Variants in PARD3B observed in about 807,000 individuals in gnomAD.
PARD3B encodes the protein par-3 family cell polarity regulator beta, also known as partitioning defective 3 homolog B.
A neutral mutation model predicts 130.2 loss-of-function variants in PARD3B; 103 were observed. The observed-to-expected ratio is 0.79, with a 90% CI of 0.67 to 0.93. PARD3B has a LOEUF of 0.93. Ranked by LOEUF, PARD3B falls within the 40% of genes least tolerant of loss-of-function variation. The probability of loss-of-function intolerance (pLI) is 0.00; values close to 1 mark genes in which losing one functional copy is unlikely to be tolerated. For missense variants in PARD3B, 1,609 were observed against 1,499.2 expected, an observed-to-expected ratio of 1.07 and a Z score of -1.21; for synonymous variants, 583 against 553.2, an observed-to-expected ratio of 1.05 and a Z score of -0.76.
chr2:204,583,584 C>A (rs1242476827), intron 1 of PARD3B, among the ~76,000 whole-genome samples: 7 of 129,488 alleles, frequency 5.4e-5, no homozygotes, highest in Non-Finnish European at 1.1e-4. Context: ...ATGTAACTAA[C>A]CTGCACAATG....
chr2:205,257,417 C>T (rs540338670), intron 16 of PARD3B, among the ~76,000 whole-genome samples: 6 of 151,546 alleles, frequency 4.0e-5, no homozygotes, highest in Non-Finnish European at 7.4e-5. Flanking sequence ...AATATCATGG[C>T]ATGCCCTCAG....
chr2:205,104,533 TAAGA>T lies in PARD3B; in HGVS notation c.593+21_593+24del. The stretch of plus-strand genomic sequence containing the variant: ...CATTGAGGTATTCTCTTTATACAGA[TAAGA>T]ATATCTGATTTATTTCAATTTGATG... On this transcript the variant is annotated intron_variant, in intron 5 of 22. Transcript: ENST00000406610. The T allele has an allele frequency of 1.5e-6, 2 of 1,376,682 alleles. No homozygotes were observed. The highest frequency in any genetic ancestry group is 2.1e-6 in the Non-Finnish European group (2 of 969,790). The allele number at this position is 1,376,682 out of a possible 1,614,324, so 85.3% of individuals were successfully genotyped here. A position where few individuals can be genotyped will look rare whatever the true frequency, so the allele number is the denominator to read the frequency against.
chr2:205,284,577 C>A (rs1456426956), intron 16 of PARD3B, among the ~76,000 whole-genome samples: 1 of 152,122 alleles, frequency 6.6e-6, no homozygotes, highest in Non-Finnish European at 1.5e-5. Flanking sequence ...AAGGCTCTGA[C>A]CCATTAATGG....
intron 11 of PARD3B, among the ~76,000 whole-genome samples, chr2:205,163,701 C>G (rs1476749141): frequency 6.6e-6 from 1 of 152,136 alleles, no homozygotes; most frequent in African/African-American, 2.4e-5. Context: ...TTAACAGCAT[C>G]CAAACTACTT....
chr2:205,085,887 G>A (rs1331693448), intron 4 of PARD3B, among the ~76,000 whole-genome samples: 2 of 152,056 alleles, frequency 1.3e-5, no homozygotes, highest in African/African-American at 4.8e-5. Context: ...TTGCACTGGT[G>A]CAAATTATTA....
intron 2 of PARD3B, among the ~76,000 whole-genome samples, chr2:204,756,616 C>G (rs2125399522): frequency 6.6e-6 from 1 of 152,160 alleles, no homozygotes; most frequent in African/African-American, 2.4e-5. Context: ...CTCCATAATT[C>G]CCAGGTCTAC....
chr2:205,380,124 T>TA (rs1243168285), intron 18 of PARD3B, among the ~76,000 whole-genome samples: 21 of 67,574 alleles, frequency 3.1e-4, no homozygotes, highest in East Asian at 1.5e-3. Context: ...ACATAATATA[T>TA]TATATATATT....
chr2:204,773,057 T>C (rs2041456553), intron 2 of PARD3B, among the ~76,000 whole-genome samples: 1 of 152,086 alleles, frequency 6.6e-6, no homozygotes, highest in African/African-American at 2.4e-5. Context: ...GAATTTTGTG[T>C]AATTGATATG....
chr2:205,054,843 A>T (rs1699535197), intron 4 of PARD3B, among the ~76,000 whole-genome samples: 1 of 152,158 alleles, frequency 6.6e-6, no homozygotes, highest in South Asian at 2.1e-4. Flanking sequence ...GCAGTCTGCA[A>T]GCATGTATCA....
intron 22 of PARD3B, among the ~76,000 whole-genome samples, chr2:205,612,777 C>T (rs567286383): frequency 6.6e-6 from 1 of 152,322 alleles, no homozygotes; most frequent in East Asian, 1.9e-4. Context: ...TACAAGCAAA[C>T]TCCCAGACAT....
chr2:205,512,960 T>G (rs201761701), intron 21 of PARD3B, among the ~76,000 whole-genome samples: 1 of 124,458 alleles, frequency 8.0e-6, no homozygotes, highest in Admixed American at 8.3e-5. Flanking sequence ...TTTTAAAGTT[T>G]TTATATCTAT....
chr2:204,626,048 T>C (rs1381122742), intron 1 of PARD3B, among the ~76,000 whole-genome samples: 1 of 152,194 alleles, frequency 6.6e-6, no homozygotes, highest in Non-Finnish European at 1.5e-5. Flanking sequence ...GACTCATCAG[T>C]CATTTTTTGG....
chr2:204,652,195 T>G (rs2035503901), intron 1 of PARD3B, among the ~76,000 whole-genome samples: 2 of 152,180 alleles, frequency 1.3e-5, no homozygotes, highest in African/African-American at 4.8e-5. Context: ...GTTTTTCTTT[T>G]CTCCCACATG....
chr2:205,312,903 A>G (rs528440270), intron 18 of PARD3B, among the ~76,000 whole-genome samples: 5 of 152,306 alleles, frequency 3.3e-5, no homozygotes, highest in African/African-American at 1.2e-4. Context: ...TGCAAAGTAG[A>G]GAGTATAATA....
At chr2:205,282,529 A>G (rs1574589055) in intron 16 of PARD3B, among the ~76,000 whole-genome samples, 1 of 150,636 alleles carries the variant, frequency 6.6e-6, no homozygotes, top group East Asian at 1.9e-4. Context: ...ATGTACACAC[A>G]CACATATATA....
intron 6 of PARD3B, among the ~76,000 whole-genome samples, chr2:205,117,879 G>A (rs1474990785): frequency 6.7e-6 from 1 of 148,230 alleles, no homozygotes; most frequent in Non-Finnish European, 1.5e-5. Context: ...GTTTAGTTTT[G>A]GTTTATATAT....
At chr2:204,847,170 CT>C (rs528059401) in intron 2 of PARD3B, among the ~76,000 whole-genome samples, 27,946 of 135,414 alleles carry the variant, frequency 0.21, 4,068 homozygotes, top group African/African-American at 0.51. Flanking sequence ...AACTTTCTTT[CT>C]TTTTTTTTTT....
At chr2:205,273,049 T>C (rs1421633883) in intron 16 of PARD3B, among the ~76,000 whole-genome samples, 1 of 152,222 alleles carries the variant, frequency 6.6e-6, no homozygotes, top group African/African-American at 2.4e-5. Flanking sequence ...TTAAAATACC[T>C]GAAGTAATTG....
chr2:205,580,856 A>C (rs1270085670), intron 22 of PARD3B, among the ~76,000 whole-genome samples: 1 of 152,192 alleles, frequency 6.6e-6, no homozygotes, highest in Non-Finnish European at 1.5e-5. Flanking sequence ...TTGATGAAAC[A>C]ATAATTAGAA....
Sources: gnomAD v4.1 joint callset for allele counts (sites outside exome capture counted in the v4.1 genomes callset) on GRCh38, gnomAD v4.1.1 for gene constraint, MANE v1.5 for transcripts, NCBI Gene and HGNC (gene_info 2026-07-23, HGNC 2026-07-21) for gene names.